Variants in IFI35 observed in about 807,000 individuals in gnomAD.
IFI35 encodes the protein interferon-induced 35 kDa protein.
Under a neutral mutation model 28.6 loss-of-function variants are expected in IFI35, and 30 were observed. The ratio of observed to expected loss-of-function variants is 1.05; its 90% confidence interval spans 0.79 to 1.43. The LOEUF (loss-of-function observed/expected upper bound fraction) is 1.43. Ranked by LOEUF, IFI35 falls within the 40% of genes most tolerant of loss-of-function variation. The pLI is 0.00. For synonymous variants in IFI35, 146 were observed against 154.8 expected, an observed-to-expected ratio of 0.94 and a Z score of 0.42; for missense variants, 372 against 356.9, an observed-to-expected ratio of 1.04 and a Z score of -0.34.
At chr17:43,007,914 T>A (rs1281706671) in intron 1 of IFI35, among the ~76,000 whole-genome samples, 1 of 147,518 alleles carries the variant, frequency 6.8e-6, no homozygotes, top group Non-Finnish European at 1.5e-5. Context: ...AGGTAATCCA[T>A]AGATTAACAC....
chr17:43,007,225 A>G (rs2050415129), intron 1 of IFI35, among the ~76,000 whole-genome samples: 1 of 152,154 alleles, frequency 6.6e-6, no homozygotes, highest in African/African-American at 2.4e-5. Context: ...TTTCCATCAG[A>G]TACTCAGCGG....
chr17:43,012,312 C>T (rs767021801), intron 2 of IFI35, 35 bp downstream of exon 2: 40 of 1,501,692 alleles, frequency 2.7e-5, no homozygotes, highest in African/African-American at 1.9e-4. Flanking sequence ...TTGGTAAAAA[C>T]GAGCTGGCGA....
At chr17:43,007,066 C>T in intron 1 of IFI35, 98 bp downstream of exon 1, 1 of 1,318,132 alleles carries the variant, frequency 7.6e-7, no homozygotes, top group East Asian at 2.3e-5. Flanking sequence ...CAAGCCTCAC[C>T]CTGCCCATCT....
At position 43,013,552 on chromosome 17, in the gene IFI35, T is replaced by A; in HGVS notation, c.452T>A (p.Leu151Gln). 1 of 1,614,118 alleles carries A rather than the reference T, an allele frequency of 6.2e-7. No homozygotes were observed. Reference sequence around the variant, plus strand: ...AGCCTCAGGCTGAGTGAGGAGGAGCTGCTGGACAAGCTAGAGATCTTCTTT... The same window carrying A: ...AGCCTCAGGCTGAGTGAGGAGGAGCAGCTGGACAAGCTAGAGATCTTCTTT... ...PASLRLSEEELLDKLEIFFGK... is the reference protein window; with the variant it reads ...PASLRLSEEEQLDKLEIFFGK... Residue 151 changes from leucine to glutamine, a missense_variant, in exon 5 of 7, where the codon CTG becomes CAG. Physicochemically the swap from Leu to Gln is moderately radical, Grantham distance 113. Coordinates refer to ENST00000415816, the MANE Select transcript of IFI35 (RefSeq NM_001330230.2).
At position 43,012,172 on chromosome 17, in the gene IFI35, C is replaced by G. The variant is rs199818241; in HGVS notation, c.22-7C>G. 3.8e-5 allele frequency: 59 copies of G among 1,550,340 alleles called. 1 individual carries two copies. In the East Asian group the frequency reaches 1.3e-3, roughly 34 times the overall value. On this transcript the variant is annotated splice_polypyrimidine_tract_variant and splice_region_variant and intron_variant, in intron 1 of 6. Coordinates refer to ENST00000415816, the MANE Select transcript of IFI35 (RefSeq NM_001330230.2). ...AGAAGTCTTGTTGTTTCCTTCTGCC[C>G]CAACAGGCCCTCCACGCCCTTCAGG...
intron 1 of IFI35, among the ~76,000 whole-genome samples, chr17:43,011,074 G>A (rs1028226148): frequency 1.3e-5 from 2 of 152,160 alleles, no homozygotes; most frequent in African/African-American, 2.4e-5. Context: ...GGACAAGCTA[G>A]AATTGATGGG....
At position 43,013,185 on chromosome 17, in the gene IFI35, G is replaced by A. The variant is rs749034220; in HGVS notation, c.259G>A (p.Asp87Asn). Residue 87 changes from aspartate to asparagine, a missense_variant, in exon 3 of 7, where the codon GAC (aspartate) becomes AAC (asparagine). Physicochemically the swap from Asp to Asn is conservative, Grantham distance 23. Transcript: ENST00000415816. ...GGGCTCTGCTCTGATCACCTTTGATGACCCCAAAGGTAAGCTCATGGGGAG... is the reference window on the plus strand; with the variant it reads ...GGGCTCTGCTCTGATCACCTTTGATAACCCCAAAGGTAAGCTCATGGGGAG... ...LAGSALITFD[D>N]PKVAEQVLQQ... 8 of 1,614,058 alleles carry A rather than the reference G, an allele frequency of 5.0e-6. No homozygotes were observed. The highest frequency in any genetic ancestry group is 6.8e-6 in the Non-Finnish European group (8 of 1,180,002).
rs1322975861 is a variant in IFI35, at chr17:43,014,347, C to T, written c.*48C>T. 1.4e-6 allele frequency: 2 copies of T among 1,398,434 alleles called. No homozygotes were observed. Among genetic ancestry groups the T allele is most frequent in the African/African-American group, 2.9e-5 (2 of 69,260 alleles). The allele number at this position is 1,398,434 out of a possible 1,614,324, so 86.6% of individuals were successfully genotyped here. A position where few individuals can be genotyped will look rare whatever the true frequency, so the allele number is the denominator to read the frequency against. ...CCACCCCCCCGCCAAGGTTCTCACA[C>T]TGGCCTGGGCTTGGGTGCCCATATA... On this transcript the variant is annotated 3_prime_UTR_variant, in exon 7 of 7. Coordinates refer to ENST00000415816, the MANE Select transcript of IFI35 (RefSeq NM_001330230.2).
At chr17:43,012,340 C>A in intron 2 of IFI35, 63 bp downstream of exon 2, 1 of 1,249,956 alleles carries the variant, frequency 8.0e-7, no homozygotes, top group Non-Finnish European at 1.1e-6. Context: ...TGCGGTGGCT[C>A]ACACCTGTAA....
chr17:43,006,916 GC>G lies in IFI35; in HGVS notation c.-30del, dbSNP rs1456784117. 1 of 1,613,840 alleles carries G rather than the reference GC, an allele frequency of 6.2e-7. No individual in the cohort carries two copies. Among genetic ancestry groups the G allele is most frequent in the South Asian group, 1.1e-5 (1 of 91,076 alleles). Reference sequence around the variant, plus strand: ...TTCTGCCACTGTGCCCAGCTCTGAAGCCTCAGCTCTTGCCAAACAGACCCGA... The same window carrying G: ...TTCTGCCACTGTGCCCAGCTCTGAAGCTCAGCTCTTGCCAAACAGACCCGA... On this transcript the variant is annotated 5_prime_UTR_variant, in exon 1 of 7. Coordinates refer to ENST00000415816, the MANE Select transcript of IFI35 (RefSeq NM_001330230.2).
At chr17:43,012,973 A>T (rs879382666) in intron 2 of IFI35, 74 bp from the exon 3 acceptor site, 3 of 1,447,986 alleles carry the variant, frequency 2.1e-6, no homozygotes, top group Middle Eastern at 1.8e-4. Context: ...CTCAGCATCA[A>T]TGGAATGGAA....
At position 43,014,146 on chromosome 17, in the gene IFI35, C is replaced by T; in HGVS notation, c.708C>T (p.Leu236=). The T allele has an allele frequency of 1.9e-6, 3 of 1,614,086 alleles. No homozygotes were observed. Among genetic ancestry groups the T allele is most frequent in the Non-Finnish European group, 1.7e-6 (2 of 1,179,976 alleles). The change falls in exon 7 of 7, where the codon CTC becomes CTT. Residue 236 remains leucine, a synonymous_variant. Transcript: ENST00000415816. ...CAGTTCCCCGCTCGGTACTGGTGCT[C>T]AACATTCCTGATATCTTGGATGGCC... is the stretch of plus-strand genomic sequence containing the variant. ...SQPVPRSVLV[L]NIPDILDGPE... is the part of the protein sequence containing the mutation.
chr17:43,008,025 G>C (rs1437670195), intron 1 of IFI35, among the ~76,000 whole-genome samples: 16 of 149,600 alleles, frequency 1.1e-4, no homozygotes. Flanking sequence ...AGTTCCCCAA[G>C]GACAATCCCT....
chr17:43,007,940 C>T (rs946718878), intron 1 of IFI35, among the ~76,000 whole-genome samples: 7 of 149,498 alleles, frequency 4.7e-5, no homozygotes, highest in Non-Finnish European at 1.0e-4. Context: ...AAACTTATCC[C>T]ACTGCTTAGC....
rs1160438703 is a variant in IFI35, at chr17:43,013,802, C to T, written c.589C>T (p.Gln197Ter). ...GVAQRLCQIG[Q>*]FTVPLGGQQV... ...GGCTCAGCGTCTGTGCCAAATCGGC[C>T]AGTTCACAGTGCCACTGGGTGGGCA... The change falls in exon 6 of 7, where the codon CAG becomes TAG. Residue 197 changes from glutamine to a stop codon, truncating the protein, a stop_gained. Transcript: ENST00000415816. LOFTEE classifies it high-confidence loss of function. 4.3e-6 allele frequency: 7 copies of T among 1,613,060 alleles called. No individual in the cohort carries two copies. Among genetic ancestry groups the T allele is most frequent in the East Asian group, 2.2e-5 (1 of 44,866 alleles).
intron 2 of IFI35, 80 bp from the exon 3 acceptor site, chr17:43,012,967 G>C: frequency 7.1e-7 from 1 of 1,407,140 alleles, no homozygotes; most frequent in Non-Finnish European, 9.8e-7. Context: ...CCGGCACTCA[G>C]CATCAATGGA....
In IFI35 at chr17:43,013,781, C is replaced by T. The variant is rs752302821; in HGVS notation, c.568C>T (p.Gln190Ter). The change falls in exon 6 of 7, where the codon CAG becomes TAG. Residue 190 changes from glutamine to a stop codon, truncating the protein, a stop_gained. Coordinates refer to ENST00000415816, the MANE Select transcript of IFI35 (RefSeq NM_001330230.2). LOFTEE classifies it high-confidence loss of function. ...MLGFARDGVA[Q>*]RLCQIGQFTV... ...CCCCTCCTTGCTCCCCACAGTGGCT[C>T]AGCGTCTGTGCCAAATCGGCCAGTT... 1 of 1,613,452 alleles carries T rather than the reference C, an allele frequency of 6.2e-7. No homozygotes were observed. Among genetic ancestry groups the T allele is most frequent in the East Asian group, 2.2e-5 (1 of 44,852 alleles).
chr17:43,010,430 T>G (rs2050448278), intron 1 of IFI35, among the ~76,000 whole-genome samples: 1 of 152,012 alleles, frequency 6.6e-6, no homozygotes. Context: ...AGATTTGCTG[T>G]GGGGGGAAAC....
At chr17:43,008,843 C>T (rs1246793867) in intron 1 of IFI35, among the ~76,000 whole-genome samples, 1 of 151,296 alleles carries the variant, frequency 6.6e-6, no homozygotes, top group East Asian at 2.0e-4. Context: ...TTTGTAGAGA[C>T]AGGGTTTCAG....
Sources: gnomAD v4.1 joint callset for allele counts (sites outside exome capture counted in the v4.1 genomes callset) on GRCh38, gnomAD v4.1.1 for gene constraint, MANE v1.5 for transcripts, NCBI Gene and HGNC (gene_info 2026-07-23, HGNC 2026-07-21) for gene names.